The following CNTN3 variants were observed in gnomAD, a reference collection of about 807,000 sequenced individuals.
CNTN3 encodes contactin-3.
In CNTN3, 60 loss-of-function variants were observed where a neutral mutation model predicts 119.1. The observed-to-expected ratio is 0.50, with a 90% CI of 0.41 to 0.62. The LOEUF (loss-of-function observed/expected upper bound fraction) is 0.62. Ranked by LOEUF, CNTN3 falls within the 20% of genes least tolerant of loss-of-function variation. The pLI is 0.00. For synonymous variants in CNTN3, 450 were observed against 438.7 expected, an observed-to-expected ratio of 1.03 and a Z score of -0.32; for missense variants, 1,101 against 1,242.4, an observed-to-expected ratio of 0.89 and a Z score of 1.71.
Position 74,366,780 on chromosome 3 carries a change from G to GTGTGTATATA in CNTN3, c.947-1079_947-1078insTATATACACA, listed in dbSNP as rs1447686332. 4.2e-3 allele frequency among the ~76,000 whole-genome samples: 267 copies of GTGTGTATATA among 63,688 alleles called. 1 individual carries two copies. The highest frequency in any genetic ancestry group is 9.8e-3 in the Middle Eastern group (1 of 102). 41.8% of individuals were successfully genotyped at this position (63,688 alleles called of 152,430 possible). On this transcript the variant is annotated intron_variant, in intron 8 of 22. Transcript: ENST00000263665. ...TGTGCGTGTGTGTGTGTGTGTGTGT[G>GTGTGTATATA]TATATATATATATATATATATATAT...
chr3:74,340,444 A>C (rs1487180925), intron 11 of CNTN3, among the ~76,000 whole-genome samples: 6 of 152,210 alleles, frequency 3.9e-5, no homozygotes, highest in East Asian at 1.9e-4. Context: ...CTGTCAGAGA[A>C]GTCTTGGAGG....
At chr3:74,273,924 C>T (rs1194425288) in intron 20 of CNTN3, among the ~76,000 whole-genome samples, 1 of 152,074 alleles carries the variant, frequency 6.6e-6, no homozygotes. Flanking sequence ...ACTTCTCAGC[C>T]CTGCCTGCCC....
At chr3:74,531,669 G>A (rs1436855480) in intron 1 of CNTN3, among the ~76,000 whole-genome samples, 1 of 151,962 alleles carries the variant, frequency 6.6e-6, no homozygotes. Context: ...TGTGAGCAGA[G>A]GAAGATGAAC....
intron 1 of CNTN3, among the ~76,000 whole-genome samples, chr3:74,576,102 C>T (rs1009365706): frequency 1.3e-5 from 2 of 152,114 alleles, no homozygotes; most frequent in Admixed American, 6.6e-5. Flanking sequence ...TGTGAAGACC[C>T]CTTCTCCCGC....
chr3:74,342,827 T>TC (rs1222940683), intron 11 of CNTN3, among the ~76,000 whole-genome samples: 2 of 152,126 alleles, frequency 1.3e-5, no homozygotes, highest in African/African-American at 4.8e-5. Flanking sequence ...TATACAACTA[T>TC]CATCTAAGTA....
At chr3:74,558,643 G>T (rs570565538) in intron 1 of CNTN3, among the ~76,000 whole-genome samples, 2 of 152,078 alleles carry the variant, frequency 1.3e-5, no homozygotes, top group South Asian at 4.2e-4. Context: ...TAAATTACTT[G>T]ACATTTTATA....
At chr3:74,545,916 T>C (rs940225052) in intron 1 of CNTN3, among the ~76,000 whole-genome samples, 1 of 152,154 alleles carries the variant, frequency 6.6e-6, no homozygotes, top group Admixed American at 6.5e-5. Flanking sequence ...TCTCTGCTCC[T>C]TGACATTCAA....
chr3:74,282,188 A>C (rs564717664), intron 20 of CNTN3, among the ~76,000 whole-genome samples: 2 of 152,334 alleles, frequency 1.3e-5, no homozygotes, highest in East Asian at 3.9e-4. Context: ...CTTCTAAAAA[A>C]CACAAGTATT....
intron 20 of CNTN3, among the ~76,000 whole-genome samples, chr3:74,273,650 G>A (rs1194028312): frequency 6.6e-6 from 1 of 152,174 alleles, no homozygotes; most frequent in Admixed American, 6.5e-5. Context: ...AGAAGCAGCG[G>A]GAAAGGCCCT....
At chr3:74,380,051 A>G (rs1403229065) in intron 5 of CNTN3, among the ~76,000 whole-genome samples, 5 of 152,200 alleles carry the variant, frequency 3.3e-5, no homozygotes, top group Admixed American at 6.5e-5. Flanking sequence ...GATGAGACTC[A>G]AGAAAAGATT....
At chr3:74,596,059 CA>C (rs1704803701) in intron 1 of CNTN3, among the ~76,000 whole-genome samples, 2 of 151,900 alleles carry the variant, frequency 1.3e-5, no homozygotes, top group Admixed American at 1.3e-4. Flanking sequence ...GACAGAGAGC[CA>C]AATCATGAGT....
intron 5 of CNTN3, among the ~76,000 whole-genome samples, chr3:74,409,039 C>CAT (rs891411003): frequency 3.3e-5 from 5 of 152,098 alleles, no homozygotes; most frequent in Admixed American, 2.6e-4. Flanking sequence ...AAGAGCCTTG[C>CAT]ATATATATAA....
At chr3:74,555,822 G>A (rs1704060510) in intron 1 of CNTN3, among the ~76,000 whole-genome samples, 1 of 151,894 alleles carries the variant, frequency 6.6e-6, no homozygotes, top group Non-Finnish European at 1.5e-5. Context: ...TATTAGTCTT[G>A]CTAGTGGTCT....
At chr3:74,354,190 A>G (rs1703881429) in intron 11 of CNTN3, among the ~76,000 whole-genome samples, 1 of 152,094 alleles carries the variant, frequency 6.6e-6, no homozygotes, top group Non-Finnish European at 1.5e-5. Context: ...AAGGCATTTA[A>G]TTTTCAATAG....
intron 5 of CNTN3, among the ~76,000 whole-genome samples, chr3:74,373,531 T>C (rs756216470): frequency 6.6e-6 from 1 of 152,054 alleles, no homozygotes; most frequent in Non-Finnish European, 1.5e-5. Context: ...AAAAGAATGG[T>C]TGAGAAAAAG....
intron 1 of CNTN3, among the ~76,000 whole-genome samples, chr3:74,574,025 G>A (rs191798117): frequency 1.4e-4 from 21 of 152,024 alleles, no homozygotes; most frequent in Non-Finnish European, 2.6e-4. Context: ...TTCATAATAG[G>A]CAAAAAGTGG....
At chr3:74,499,806 CA>C in intron 2 of CNTN3, 21 bp from the exon 3 acceptor site, 1 of 1,567,208 alleles carries the variant, frequency 6.4e-7, no homozygotes, top group Non-Finnish European at 8.6e-7. Context: ...GGGAGACATC[CA>C]AAAAATAATA....
At chr3:74,483,948 CT>C (rs1702806954) in intron 4 of CNTN3, among the ~76,000 whole-genome samples, 1 of 152,074 alleles carries the variant, frequency 6.6e-6, no homozygotes, top group Non-Finnish European at 1.5e-5. Context: ...ATGTCGTATT[CT>C]TTTTTTCTCT....
At chr3:74,509,069 C>G (rs544108803) in intron 2 of CNTN3, among the ~76,000 whole-genome samples, 1 of 152,072 alleles carries the variant, frequency 6.6e-6, no homozygotes, top group African/African-American at 2.4e-5. Context: ...TGTTGGCAAA[C>G]AAAAACATAT....
Sources: gnomAD v4.1 joint callset for allele counts (sites outside exome capture counted in the v4.1 genomes callset) on GRCh38, gnomAD v4.1.1 for gene constraint, MANE v1.5 for transcripts, NCBI Gene and HGNC (gene_info 2026-07-23, HGNC 2026-07-21) for gene names.